Variants in SLC4A4 observed in about 807,000 individuals in gnomAD.
SLC4A4 encodes the protein solute carrier family 4 member 4, also known as electrogenic sodium bicarbonate cotransporter 1.
SLC4A4 carries 27 observed loss-of-function variants against 111.5 expected under a neutral mutation model. The observed-to-expected ratio is 0.24, with a 90% CI of 0.18 to 0.33. SLC4A4 has a LOEUF of 0.33. Ranked by LOEUF, SLC4A4 falls within the 10% of genes least tolerant of loss-of-function variation. The probability of loss-of-function intolerance (pLI) is 1.00; values close to 1 mark genes in which losing one functional copy is unlikely to be tolerated. For synonymous variants in SLC4A4, 443 were observed against 463.4 expected (o/e 0.96, Z 0.57); for missense variants, 909 against 1,315.5 (o/e 0.69, Z 4.78).
At chr4:71,435,414 T>C (rs897369895) in intron 7 of SLC4A4, among the ~76,000 whole-genome samples, 3 of 152,188 alleles carry the variant, frequency 2.0e-5, no homozygotes, top group Admixed American at 6.5e-5. Context: ...TAAATCAAGA[T>C]GGATTAGAGA....
intron 3 of SLC4A4, among the ~76,000 whole-genome samples, chr4:71,259,221 A>G (rs192049049): frequency 2.0e-5 from 3 of 152,334 alleles, no homozygotes; most frequent in Admixed American, 2.0e-4. Context: ...TGGCATAATT[A>G]ACAGGTTCAT....
chr4:71,068,874 C>A (rs1305720644), intron 1 of SLC4A4, among the ~76,000 whole-genome samples: 1 of 152,136 alleles, frequency 6.6e-6, no homozygotes, highest in African/African-American at 2.4e-5. Context: ...ATGGGACAGC[C>A]ATTTTTAGCA....
intron 2 of SLC4A4, among the ~76,000 whole-genome samples, chr4:71,249,244 A>G (rs1191891517): frequency 6.6e-6 from 1 of 152,194 alleles, no homozygotes; most frequent in Non-Finnish European, 1.5e-5. Flanking sequence ...AGGTAGCGTT[A>G]AAATTAAAAT....
chr4:71,462,108 TAGAG>T (rs1306701638), intron 12 of SLC4A4, among the ~76,000 whole-genome samples: 1 of 152,278 alleles, frequency 6.6e-6, no homozygotes. Context: ...AGAGAAATAA[TAGAG>T]AGAGGCTGAA....
At chr4:71,162,236 C>A (rs1179860826) in intron 2 of SLC4A4, among the ~76,000 whole-genome samples, 1 of 152,158 alleles carries the variant, frequency 6.6e-6, no homozygotes, top group Non-Finnish European at 1.5e-5. Context: ...GTCACTCCCA[C>A]CACCGGCATC....
chr4:71,270,990 A>C (rs1722667290), intron 3 of SLC4A4, among the ~76,000 whole-genome samples: 1 of 152,148 alleles, frequency 6.6e-6, no homozygotes, highest in Non-Finnish European at 1.5e-5. Context: ...TCTTCCAGGG[A>C]TCCCTGCTAT....
intron 7 of SLC4A4, among the ~76,000 whole-genome samples, chr4:71,419,163 G>A (rs1359221012): frequency 6.6e-6 from 1 of 152,226 alleles, no homozygotes; most frequent in South Asian, 2.1e-4. Flanking sequence ...CACTTGAGGA[G>A]GCAGTCTGCC....
chr4:71,155,719 C>G (rs1424125110), intron 2 of SLC4A4, among the ~76,000 whole-genome samples: 1 of 152,114 alleles, frequency 6.6e-6, no homozygotes, highest in East Asian at 1.9e-4. Context: ...CCGCCTCAGC[C>G]TCCTAAAGAG....
intron 16 of SLC4A4, among the ~76,000 whole-genome samples, chr4:71,514,352 T>C (rs1005626878): frequency 6.6e-6 from 1 of 152,148 alleles, no homozygotes; most frequent in East Asian, 1.9e-4. Flanking sequence ...GCTGCAGCCA[T>C]GTAGGACATG....
At chr4:71,392,818 G>A (rs1334492669) in intron 6 of SLC4A4, among the ~76,000 whole-genome samples, 1 of 151,984 alleles carries the variant, frequency 6.6e-6, no homozygotes, top group Non-Finnish European at 1.5e-5. Context: ...AATCCACCAT[G>A]ATCAAGTGGG....
At chr4:71,147,711 C>A (rs1252045743) in intron 2 of SLC4A4, among the ~76,000 whole-genome samples, 1 of 152,132 alleles carries the variant, frequency 6.6e-6, no homozygotes, top group Non-Finnish European at 1.5e-5. Context: ...AGTAGGATCT[C>A]ACGGTTGTCC....
intron 2 of SLC4A4, among the ~76,000 whole-genome samples, chr4:71,254,651 T>TA (rs200059466): frequency 0.014 from 1,946 of 141,616 alleles, 38 homozygotes; most frequent in African/African-American, 0.038. Flanking sequence ...GCTGATTAGG[T>TA]AAAAAAAAAA....
chr4:71,205,284 A>G (rs369631945), intron 1 of SLC4A4, among the ~76,000 whole-genome samples: 2 of 152,168 alleles, frequency 1.3e-5, no homozygotes, highest in East Asian at 3.9e-4. Context: ...GCTTTGAGAA[A>G]CCCACCAGAT....
At chr4:71,209,674 C>G (rs1354676726) in intron 1 of SLC4A4, among the ~76,000 whole-genome samples, 4 of 152,054 alleles carry the variant, frequency 2.6e-5, no homozygotes, top group African/African-American at 9.7e-5. Context: ...GATTTTCAGA[C>G]CTATTTATTT....
rs1236145175 is a variant in SLC4A4, at chr4:71,568,384, C to T, written c.*633C>T. The T allele has an allele frequency of 1.3e-5, 2 of 152,368 alleles. No individual in the cohort carries two copies. Among genetic ancestry groups the T allele is most frequent in the African/African-American group, 4.8e-5 (2 of 41,366 alleles). The allele number at this position is 152,368 out of a possible 1,614,324, so 9.4% of individuals were successfully genotyped here. A position where few individuals can be genotyped will look rare whatever the true frequency, so the allele number is the denominator to read the frequency against. Reference sequence around the variant, plus strand: ...AAAAGTGCTGCTATTTTAACTTGCTCTTGCTTGTAAATCCTAATCTTAGAG... The same window carrying T: ...AAAAGTGCTGCTATTTTAACTTGCTTTTGCTTGTAAATCCTAATCTTAGAG... On this transcript the variant is annotated 3_prime_UTR_variant, in exon 26 of 26. Transcript: ENST00000264485.
intron 3 of SLC4A4, among the ~76,000 whole-genome samples, chr4:71,321,623 G>T (rs1248858702): frequency 6.6e-6 from 1 of 151,930 alleles, no homozygotes; most frequent in South Asian, 2.1e-4. Context: ...GGCATCTGGG[G>T]AGGGCCTGCT....
chr4:71,410,786 T>A (rs1721298178), intron 7 of SLC4A4, among the ~76,000 whole-genome samples: 1 of 152,212 alleles, frequency 6.6e-6, no homozygotes, highest in African/African-American at 2.4e-5. Context: ...GAATTTAGAA[T>A]GATTCCACAT....
At chr4:71,153,670 G>T (rs1578530064) in intron 2 of SLC4A4, among the ~76,000 whole-genome samples, 1 of 151,782 alleles carries the variant, frequency 6.6e-6, no homozygotes, top group Non-Finnish European at 1.5e-5. Context: ...ATATGTCTTG[G>T]TTTTTTTTCT....
At position 71,263,225 on chromosome 4, in the gene SLC4A4, A is replaced by G. The variant is rs560652151; in HGVS notation, c.253+7826A>G. ...TATTTTATGTAGTTTAATGAAAATTATAGATGTACTGTGTCTCAGCAAGGC... is the reference window on the plus strand; with the variant it reads ...TATTTTATGTAGTTTAATGAAAATTGTAGATGTACTGTGTCTCAGCAAGGC... On this transcript the variant is annotated intron_variant, in intron 3 of 25. Coordinates refer to ENST00000264485, the MANE Select transcript of SLC4A4 (RefSeq NM_001098484.3). Among the ~76,000 whole-genome samples the G allele has an allele frequency of 7.9e-5, 12 of 152,328 alleles. No individual in the cohort carries two copies. The East Asian group carries it at 2.1e-3, about 27-fold the overall frequency.
Sources: gnomAD v4.1 joint callset for allele counts (sites outside exome capture counted in the v4.1 genomes callset) on GRCh38, gnomAD v4.1.1 for gene constraint, MANE v1.5 for transcripts, NCBI Gene and HGNC (gene_info 2026-07-23, HGNC 2026-07-21) for gene names.